Variants in BCL7C observed in about 807,000 individuals in gnomAD.
BCL7C encodes BAF chromatin remodeling complex subunit BCL7C, also known as B-cell CLL/lymphoma 7 protein family member C.
In BCL7C, 8 loss-of-function variants were observed where a neutral mutation model predicts 26.2. The observed-to-expected ratio is 0.30, with a 90% CI of 0.18 to 0.55. The LOEUF is 0.55. BCL7C is among the 20% of genes least tolerant of loss of function. The pLI is 0.93. For synonymous variants in BCL7C, 90 were observed against 116.5 expected (o/e 0.77, Z 1.47); for missense variants, 262 against 298.5 (o/e 0.88, Z 0.90).
chr16:30,869,063 T>C (rs1032686648), intron 5 of BCL7C, among the ~76,000 whole-genome samples: 2 of 151,802 alleles, frequency 1.3e-5, no homozygotes, highest in Admixed American at 6.6e-5. Context: ...AATTTTTTCA[T>C]GGCCATGGCT....
At chr16:30,883,475 C>T (rs549753086), downstream of BCL7C, among the ~76,000 whole-genome samples, 6 of 151,566 alleles carry the variant, frequency 4.0e-5, no homozygotes, top group South Asian at 6.3e-4. Context: ...CTCAGCCTCC[C>T]GCCTCAGCCT....
chr16:30,889,056 T>C (rs2055182848), intron 4 of BCL7C, 111 bp from the exon 5 acceptor site: 1 of 1,054,852 alleles, frequency 9.5e-7, no homozygotes, highest in Non-Finnish European at 1.5e-6. Context: ...CAGAGGGCCA[T>C]GGGAGCAGAG....
intron 5 of BCL7C, among the ~76,000 whole-genome samples, chr16:30,835,739 G>T (rs535434375): frequency 4.6e-5 from 7 of 151,446 alleles, no homozygotes; most frequent in Non-Finnish European, 7.4e-5. Flanking sequence ...CCAGCTACTC[G>T]GGAGGCTGAT....
At chr16:30,846,199 A>AATTTATTT (rs748604975) in intron 5 of BCL7C, among the ~76,000 whole-genome samples, 33,330 of 131,290 alleles carry the variant, frequency 0.25, 5,213 homozygotes, top group African/African-American at 0.45. Context: ...CTAATTTTAA[A>AATTTATTT]ATTTATTTAT....
chr16:30,867,744 G>A (rs941788715), intron 5 of BCL7C, among the ~76,000 whole-genome samples: 39 of 152,110 alleles, frequency 2.6e-4, no homozygotes, highest in Non-Finnish European at 5.9e-5. Flanking sequence ...AGTGAGCCAA[G>A]ATCGCGCCAC....
rs1419708490 is a variant in BCL7C, at chr16:30,834,934, C to G, written c.*14G>C. ...GGGAGGCTTTAGGGGTCTTGGCTTG[C>G]TTGGGGAGCCCACTCACCTCCCCTT... On this transcript the variant is annotated 3_prime_UTR_variant, in exon 6 of 6. Transcript: ENST00000380317. The surrounding 1 kb of genome is among the most constrained non-coding windows in gnomAD (Gnocchi z 4.3). 1 of 1,512,316 alleles carries G rather than the reference C, an allele frequency of 6.6e-7. No individual in the cohort carries two copies. Among genetic ancestry groups the G allele is most frequent in the Non-Finnish European group, 8.9e-7 (1 of 1,126,236 alleles). 93.7% of individuals were successfully genotyped at this position (1,512,316 alleles called of 1,614,324 possible).
intron 5 of BCL7C, among the ~76,000 whole-genome samples, chr16:30,853,970 T>G (rs1194565248): frequency 1.3e-5 from 2 of 152,200 alleles, no homozygotes; most frequent in Non-Finnish European, 2.9e-5. Context: ...CCAGATGGCA[T>G]TCATACCGCA....
downstream of BCL7C, chr16:30,887,761 C>T: frequency 1.3e-6 from 2 of 1,483,698 alleles, no homozygotes; most frequent in Non-Finnish European, 1.8e-6. Context: ...AAAGACCCTC[C>T]CCAGCCCTGA....
At chr16:30,836,500 G>C (rs1209054655) in intron 5 of BCL7C, among the ~76,000 whole-genome samples, 2 of 147,652 alleles carry the variant, frequency 1.4e-5, no homozygotes, top group Non-Finnish European at 3.0e-5. Flanking sequence ...TTTGAGACAG[G>C]TTCTCCCTTT....
At chr16:30,885,416 T>TC (rs1464498299), downstream of BCL7C, among the ~76,000 whole-genome samples, 1 of 151,010 alleles carries the variant, frequency 6.6e-6, no homozygotes, top group African/African-American at 2.4e-5. Flanking sequence ...GCTTTTTCTT[T>TC]TTTTTTTTTT....
intron 5 of BCL7C, among the ~76,000 whole-genome samples, chr16:30,857,166 A>G (rs1398178723): frequency 1.3e-5 from 2 of 152,052 alleles, no homozygotes; most frequent in Admixed American, 6.5e-5. Flanking sequence ...AGGCGGGCAG[A>G]TCACATGAGG....
chr16:30,867,909 G>A (rs943576365), intron 5 of BCL7C, among the ~76,000 whole-genome samples: 2 of 152,022 alleles, frequency 1.3e-5, no homozygotes, highest in Admixed American at 6.6e-5. Flanking sequence ...ATGGAGGGAG[G>A]GGCCTCTGGA....
At chr16:30,880,995 TA>T (rs891047970) in intron 5 of BCL7C, among the ~76,000 whole-genome samples, 1 of 152,172 alleles carries the variant, frequency 6.6e-6, no homozygotes, top group Non-Finnish European at 1.5e-5. Flanking sequence ...ATGCTTTTGT[TA>T]AAATTCACTG....
At chr16:30,871,487 G>C (rs187804748) in intron 5 of BCL7C, among the ~76,000 whole-genome samples, 8 of 152,052 alleles carry the variant, frequency 5.3e-5, no homozygotes, top group Non-Finnish European at 8.8e-5. Context: ...CTAGCTCAAT[G>C]TTAGCTTTTT....
At chr16:30,878,178 A>AAAAAC (rs999099761) in intron 5 of BCL7C, among the ~76,000 whole-genome samples, 1 of 150,156 alleles carries the variant, frequency 6.7e-6, no homozygotes, top group Non-Finnish European at 1.5e-5. Context: ...CAAGACTCAA[A>AAAAAC]AAAACAAAAC....
At chr16:30,865,196 AC>A (rs2054814998) in intron 5 of BCL7C, among the ~76,000 whole-genome samples, 1 of 149,440 alleles carries the variant, frequency 6.7e-6, no homozygotes, top group Admixed American at 6.7e-5. Flanking sequence ...AAAAAAAAGT[AC>A]TTTGTAATAC....
downstream of BCL7C, among the ~76,000 whole-genome samples, chr16:30,887,476 C>CAAA (rs397854743): frequency 1.9e-4 from 14 of 75,672 alleles, no homozygotes; most frequent in African/African-American, 3.4e-4. Context: ...GTCTGTGTCT[C>CAAA]AAAAAAAAAA....
chr16:30,861,679 CT>C, intron 5 of BCL7C, among the ~76,000 whole-genome samples: 1 of 152,216 alleles, frequency 6.6e-6, no homozygotes, highest in East Asian at 1.9e-4. Context: ...ATCACAGACG[CT>C]TTGGGTAACT....
In BCL7C at chr16:30,888,842, C is replaced by G. The variant is rs766943248; in HGVS notation, c.528+18G>C. 12 of 1,612,820 alleles carry G rather than the reference C, an allele frequency of 7.4e-6. No individual in the cohort carries two copies. The highest frequency in any genetic ancestry group is 1.6e-4 in the Middle Eastern group (1 of 6,068). On this transcript the variant is annotated intron_variant, in intron 5 of 5. Coordinates refer to ENST00000215115, the MANE Select transcript of BCL7C (RefSeq NM_004765.4). ...TTCCCTCCAAGACCCAGGAGTCCAG[C>G]CTTCTGGCCTCTCTCACCTCAGCTT...
Sources: gnomAD v4.1 joint callset for allele counts (sites outside exome capture counted in the v4.1 genomes callset) on GRCh38, gnomAD v4.1.1 for gene constraint, Gnocchi (gnomAD v3.1) non-coding constraint, MANE v1.5 for transcripts, NCBI Gene and HGNC (gene_info 2026-07-23, HGNC 2026-07-21) for gene names.